The following LRP1B variants were observed in gnomAD, a reference collection of about 807,000 sequenced individuals.
LRP1B encodes the protein low-density lipoprotein receptor-related protein 1B.
In LRP1B, 217 loss-of-function variants were observed where a neutral mutation model predicts 556.6. The ratio of observed to expected loss-of-function variants is 0.39; its 90% CI spans 0.35 to 0.44. The LOEUF is 0.44. Ranked by LOEUF, LRP1B falls within the 20% of genes least tolerant of loss-of-function variation. The pLI, the probability that LRP1B is intolerant of heterozygous loss-of-function variation, is 1.00. For missense variants in LRP1B, 5,053 were observed against 5,620.8 expected (o/e 0.90, Z 3.23); for synonymous variants, 2,047 against 1,865.8 (o/e 1.10, Z -2.50).
chr2:141,314,428 T>C (rs1038225925), intron 3 of LRP1B, among the ~76,000 whole-genome samples: 1 of 152,164 alleles, frequency 6.6e-6, no homozygotes. Context: ...CTAGGGAATG[T>C]ATAGTTAAAA....
At chr2:142,000,440 T>C (rs933728401) in intron 1 of LRP1B, among the ~76,000 whole-genome samples, 3 of 152,210 alleles carry the variant, frequency 2.0e-5, no homozygotes, top group Non-Finnish European at 4.4e-5. Context: ...AATAGTGAAG[T>C]GGTGATTACT....
intron 2 of LRP1B, among the ~76,000 whole-genome samples, chr2:141,791,723 C>A (rs865814432): frequency 6.6e-5 from 10 of 152,040 alleles, no homozygotes; most frequent in Middle Eastern, 3.2e-3. Context: ...ACACACAGAG[C>A]AGACGTACAA....
intron 7 of LRP1B, among the ~76,000 whole-genome samples, chr2:141,098,175 T>C (rs759295572): frequency 1.3e-5 from 2 of 152,202 alleles, no homozygotes; most frequent in African/African-American, 2.4e-5. Flanking sequence ...AACTAAAATG[T>C]GTCTCTACTT....
intron 81 of LRP1B, 115 bp downstream of exon 81, chr2:140,323,769 AAAGTTACTT>A (rs1372455220): frequency 2.4e-5 from 11 of 452,364 alleles, no homozygotes; most frequent in Admixed American, 3.9e-5. Flanking sequence ...CATCAAAATT[AAAGTTACTT>A]AAGTTACTGA....
chr2:141,882,983 C>T lies in LRP1B; in HGVS notation c.83-72582G>A, dbSNP rs560490607. ...AGTAGCAGTCTCACCAAAGGCATTG[C>T]GGCTAAAGTACGCAGCTATTCATCT... On this transcript the variant is annotated intron_variant, in intron 1 of 90. Coordinates refer to ENST00000389484, the MANE Select transcript of LRP1B (RefSeq NM_018557.3). Among the ~76,000 whole-genome samples, 28 of 152,198 alleles carry T rather than the reference C, an allele frequency of 1.8e-4. 1 individual carries two copies. In the South Asian group the frequency reaches 3.5e-3, roughly 19 times the overall value.
chr2:141,306,899 T>C (rs1403564339), intron 3 of LRP1B, among the ~76,000 whole-genome samples: 1 of 152,152 alleles, frequency 6.6e-6, no homozygotes, highest in Non-Finnish European at 1.5e-5. Context: ...TTAATTTCAA[T>C]ATATTTGTTC....
At chr2:141,705,986 C>T (rs1314682393) in intron 2 of LRP1B, among the ~76,000 whole-genome samples, 3 of 151,904 alleles carry the variant, frequency 2.0e-5, no homozygotes, top group East Asian at 1.9e-4. Flanking sequence ...CTTCACCATT[C>T]GACAAAAATT....
intron 84 of LRP1B, 61 bp from the exon 85 acceptor site, chr2:140,274,659 ATAAT>A: frequency 1.4e-6 from 2 of 1,385,162 alleles, no homozygotes; most frequent in African/African-American, 1.4e-5. Context: ...TTCTTCAGTC[ATAAT>A]TAAGGTGACC....
chr2:140,469,808 C>G (rs949092828), intron 60 of LRP1B, among the ~76,000 whole-genome samples: 1 of 152,066 alleles, frequency 6.6e-6, no homozygotes, highest in African/African-American at 2.4e-5. Flanking sequence ...GAAAGCAGTC[C>G]CTGGAATTAG....
chr2:141,875,263 G>T (rs764512909), intron 1 of LRP1B, among the ~76,000 whole-genome samples: 10 of 151,674 alleles, frequency 6.6e-5, no homozygotes, highest in Non-Finnish European at 1.3e-4. Flanking sequence ...TCCTTCCTTG[G>T]CCTCCCAGTG....
intron 29 of LRP1B, 23 bp from the exon 30 acceptor site, chr2:140,841,115 T>C: frequency 6.5e-7 from 1 of 1,531,078 alleles, no homozygotes; most frequent in Non-Finnish European, 8.9e-7. Flanking sequence ...AAAGAGAAGA[T>C]TTAAAGGTGA....
chr2:141,586,941 C>CAAAAAAA (rs769891211), intron 2 of LRP1B, among the ~76,000 whole-genome samples: 1,370 of 71,302 alleles, frequency 0.019, 39 homozygotes, highest in Non-Finnish European at 0.029. Flanking sequence ...GACTCCATCT[C>CAAAAAAA]AAAAAAAAAA....
chr2:141,887,726 TAAG>T (rs1430829636), intron 1 of LRP1B, among the ~76,000 whole-genome samples: 1 of 152,218 alleles, frequency 6.6e-6, no homozygotes, highest in Non-Finnish European at 1.5e-5. Context: ...GTGATTTCAC[TAAG>T]AATTCTTGTC....
rs1304520728 is a variant in LRP1B at position 140,541,316 on chromosome 2, G to T, written c.7388-218C>A. 2.0e-5 allele frequency among the ~76,000 whole-genome samples: 3 copies of T among 151,912 alleles called. No homozygotes were observed. The East Asian group carries it at 5.8e-4, about 29-fold the overall frequency. On this transcript the variant is annotated intron_variant, in intron 44 of 90. Coordinates refer to ENST00000389484, the MANE Select transcript of LRP1B (RefSeq NM_018557.3). ...ATCTTTCTAACACATTTGATACCAC[G>T]GCATCAAATGAACTAGTTCTGCTAG...
At chr2:142,046,893 A>G (rs888886766) in intron 1 of LRP1B, among the ~76,000 whole-genome samples, 34 of 152,000 alleles carry the variant, frequency 2.2e-4, no homozygotes, top group African/African-American at 7.7e-4. Context: ...ATTTATTTCT[A>G]GGCATTGTAG....
intron 2 of LRP1B, among the ~76,000 whole-genome samples, chr2:141,764,707 G>C (rs1345032837): frequency 6.7e-6 from 1 of 149,100 alleles, no homozygotes; most frequent in African/African-American, 2.5e-5. Context: ...TTTTTTTTAT[G>C]GGAGCCTGAG....
At position 141,372,644 on chromosome 2, in the gene LRP1B, T is replaced by G. The variant is rs372106890; in HGVS notation, c.343+107752A>C. On this transcript the variant is annotated intron_variant, in intron 3 of 90. Transcript: ENST00000389484. ...CAGTTTTCCAGGAATTTATTTCCTC[T>G]ATCTTTTCTAGTTTGTGAGCATACA... 1.6e-4 allele frequency among the ~76,000 whole-genome samples: 24 copies of G among 152,218 alleles called. 1 individual carries two copies. The highest frequency in any genetic ancestry group is 1.1e-3 in the Admixed American group (17 of 15,286).
intron 1 of LRP1B, among the ~76,000 whole-genome samples, chr2:142,092,009 C>T (rs773631645): frequency 2.0e-5 from 3 of 152,164 alleles, no homozygotes; most frequent in Non-Finnish European, 4.4e-5. Context: ...TTGCTGCCAG[C>T]GGGTGAAAAA....
intron 1 of LRP1B, among the ~76,000 whole-genome samples, chr2:142,025,008 G>A (rs1410319919): frequency 6.6e-6 from 1 of 152,050 alleles, no homozygotes; most frequent in East Asian, 1.9e-4. Context: ...TATAACATTA[G>A]GTATGTGTGG....
Sources: allele counts gnomAD v4.1 joint callset (sites outside exome capture counted in the v4.1 genomes callset), GRCh38; gene constraint gnomAD v4.1.1; transcripts MANE v1.5; gene names NCBI Gene and HGNC (gene_info 2026-07-23, HGNC 2026-07-21).